ZIM2: variants seen among roughly 807,000 people sequenced by gnomAD.
The protein encoded by ZIM2 is zinc finger protein 656.
Under a neutral mutation model 38.6 loss-of-function variants are expected in ZIM2, and 14 were observed. That is an observed-to-expected ratio of 0.36 (90% CI 0.24 to 0.57). The LOEUF (loss-of-function observed/expected upper bound fraction) is 0.57. ZIM2 is among the 20% of genes least tolerant of loss of function. The pLI, the probability that ZIM2 is intolerant of heterozygous loss-of-function variation, is 0.81. For missense variants in ZIM2, 680 were observed against 695.1 expected (o/e 0.98, Z 0.24); for synonymous variants, 247 against 245.8 (o/e 1.00, Z -0.04).
At chr19:56,831,237 G>A (rs2061544354) in intron 2 of ZIM2, among the ~76,000 whole-genome samples, 1 of 152,126 alleles carries the variant, frequency 6.6e-6, no homozygotes, top group African/African-American at 2.4e-5. Context: ...ATACCACTGG[G>A]ACATAACAGA....
In ZIM2 at chr19:56,779,583, C is replaced by T. The variant is rs2046216041; in HGVS notation, c.740-111G>A. 2.4e-5 allele frequency: 24 copies of T among 1,010,898 alleles called. No homozygotes were observed. The South Asian group carries it at 3.5e-4, about 15-fold the overall frequency. The allele number at this position is 1,010,898 out of a possible 1,614,324, so 62.6% of individuals were successfully genotyped here. A position where few individuals can be genotyped will look rare whatever the true frequency, so the allele number is the denominator to read the frequency against. On this transcript the variant is annotated intron_variant, in intron 11 of 12. Coordinates refer to ENST00000629319, the MANE Select transcript of ZIM2 (RefSeq NM_001387356.1). ...AAACTCTCGCAGGAGTAAAATGAAGCCTGTTTCCAGCCTACAGAGATTTTA... is the reference window on the plus strand; with the variant it reads ...AAACTCTCGCAGGAGTAAAATGAAGTCTGTTTCCAGCCTACAGAGATTTTA...
rs752440042 is a variant in ZIM2, at chr19:56,816,663, C to G, written c.490+1083G>C. ...GTTCACGTTCACGTTCATGTTCACG[C>G]TCATTATCTTTGTCATCCCCAAAGT... On this transcript the variant is annotated intron_variant, in intron 9 of 12. Coordinates refer to ENST00000629319, the MANE Select transcript of ZIM2 (RefSeq NM_001387356.1). 2 of 1,613,896 alleles carry G rather than the reference C, an allele frequency of 1.2e-6. No homozygotes were observed. The highest frequency in any genetic ancestry group is 1.7e-6 in the Non-Finnish European group (2 of 1,179,806).
chr19:56,813,697 T>G (rs1349091754), intron 9 of ZIM2: 1 of 1,613,380 alleles, frequency 6.2e-7, no homozygotes, highest in Non-Finnish European at 8.5e-7. Flanking sequence ...GGTATTCTGG[T>G]GTCTGGCGAG....
chr19:56,831,872 G>T (rs532970798), intron 2 of ZIM2, among the ~76,000 whole-genome samples: 1 of 152,250 alleles, frequency 6.6e-6, no homozygotes, highest in South Asian at 2.1e-4. Context: ...CCATTTACGT[G>T]TACACAGAGA....
intron 11 of ZIM2, among the ~76,000 whole-genome samples, chr19:56,781,054 T>A (rs1269894654): frequency 6.6e-6 from 1 of 152,258 alleles, no homozygotes; most frequent in East Asian, 1.9e-4. Flanking sequence ...ATTTATTTCC[T>A]CTATTTTGAT....
intron 9 of ZIM2, chr19:56,813,564 C>A: frequency 6.8e-7 from 1 of 1,459,876 alleles, no homozygotes; most frequent in Non-Finnish European, 9.1e-7. Flanking sequence ...AGGTGTGTAA[C>A]ACACTAAGGT....
rs1370113713 is a variant in ZIM2 at position 56,814,143 on chromosome 19, A to C, written c.490+3603T>G. On this transcript the variant is annotated intron_variant, in intron 9 of 12. Coordinates refer to ENST00000629319, the MANE Select transcript of ZIM2 (RefSeq NM_001387356.1). This position sits in a 1 kb window ranked among gnomAD's most constrained non-coding sequence, Gnocchi z 5.8. ...CTCCATTTGGCTGTCCAGCCTCTCC[A>C]ATGGGCTCTGCAGCCTCTCCATCTG... 6.2e-7 allele frequency: 1 copy of C among 1,613,812 alleles called. No homozygotes were observed. The highest frequency in any genetic ancestry group is 8.5e-7 in the Non-Finnish European group (1 of 1,179,970).
chr19:56,835,769 A>T (rs1384826958), intron 2 of ZIM2, among the ~76,000 whole-genome samples: 2 of 152,212 alleles, frequency 1.3e-5, no homozygotes, highest in East Asian at 3.8e-4. Flanking sequence ...GCAAGAGAAA[A>T]AGAGTAGCCC....
chr19:56,780,316 T>A (rs1568564957), intron 11 of ZIM2, among the ~76,000 whole-genome samples: 1 of 151,380 alleles, frequency 6.6e-6, no homozygotes, highest in South Asian at 2.1e-4. Context: ...GATCTTGGCT[T>A]ACTGCAGCCT....
intron 9 of ZIM2, chr19:56,799,387 T>C (rs966907922): frequency 2.0e-5 from 3 of 152,242 alleles, no homozygotes; most frequent in African/African-American, 4.8e-5. Context: ...TTGTAAGTGG[T>C]AGCTGAATGA....
intron 7 of ZIM2, among the ~76,000 whole-genome samples, chr19:56,819,406 T>A (rs1465218553): frequency 6.6e-6 from 1 of 152,198 alleles, no homozygotes; most frequent in Non-Finnish European, 1.5e-5. Context: ...TTAAAATTCC[T>A]CACATTACTG....
intron 1 of ZIM2, among the ~76,000 whole-genome samples, chr19:56,839,103 C>A (rs566842853): frequency 6.6e-6 from 1 of 151,874 alleles, no homozygotes; most frequent in East Asian, 2.0e-4. Flanking sequence ...AGCGCCTGCG[C>A]AGCAAATCTC....
At chr19:56,803,722 T>G (rs2047633807) in intron 9 of ZIM2, among the ~76,000 whole-genome samples, 1 of 152,136 alleles carries the variant, frequency 6.6e-6, no homozygotes, top group Admixed American at 6.5e-5. Flanking sequence ...TTGAGGTAAT[T>G]AAAGAAAATA....
At chr19:56,826,122 T>C (rs947856851) in intron 3 of ZIM2, among the ~76,000 whole-genome samples, 2 of 152,124 alleles carry the variant, frequency 1.3e-5, no homozygotes, top group East Asian at 1.9e-4. Context: ...ACATAGATAA[T>C]GCTCTGCTGG....
chr19:56,791,228 AATT>A (rs1315883689), intron 9 of ZIM2: 1 of 152,152 alleles, frequency 6.6e-6, no homozygotes, highest in Non-Finnish European at 1.5e-5. Flanking sequence ...CCTGACTGCC[AATT>A]ATTAATATAA....
At chr19:56,834,046 T>C (rs935231333) in intron 2 of ZIM2, among the ~76,000 whole-genome samples, 1 of 152,228 alleles carries the variant, frequency 6.6e-6, no homozygotes, top group South Asian at 2.1e-4. Context: ...TTCAGTCTTA[T>C]GACCAGCACA....
At chr19:56,824,196 A>G in intron 4 of ZIM2, 66 bp downstream of exon 4, 1 of 1,566,210 alleles carries the variant, frequency 6.4e-7, no homozygotes, top group Non-Finnish European at 8.7e-7. Context: ...AGAAGTGTGG[A>G]GGCTGAGAGC....
chr19:56,821,009 A>T (rs993324015), intron 7 of ZIM2, among the ~76,000 whole-genome samples: 3 of 151,880 alleles, frequency 2.0e-5, no homozygotes, highest in African/African-American at 7.3e-5. Flanking sequence ...CAAGTTCCAC[A>T]TTTTTTTTCC....
At chr19:56,837,527 G>A (rs919029807) in intron 1 of ZIM2, among the ~76,000 whole-genome samples, 3 of 152,252 alleles carry the variant, frequency 2.0e-5, no homozygotes, top group African/African-American at 7.2e-5. Context: ...ACCCAAGGCT[G>A]CACAGCTGAA....
Sources: gnomAD v4.1 joint callset for allele counts (sites outside exome capture counted in the v4.1 genomes callset) on GRCh38, gnomAD v4.1.1 for gene constraint, Gnocchi (gnomAD v3.1) non-coding constraint, MANE v1.5 for transcripts, NCBI Gene and HGNC (gene_info 2026-07-23, HGNC 2026-07-21) for gene names.